The following ARHGAP15 variants were observed in gnomAD, a reference collection of about 807,000 sequenced individuals.
ARHGAP15 encodes Rho GTPase activating protein 15.
In ARHGAP15, 51 loss-of-function variants were observed where a neutral mutation model predicts 63.7. That is an observed-to-expected ratio of 0.80 (90% CI 0.64 to 1.01). ARHGAP15 has a LOEUF of 1.01. Ranked by LOEUF, ARHGAP15 falls within the 50% of genes least tolerant of loss-of-function variation. The pLI is 0.00. For missense variants in ARHGAP15, 560 were observed against 564.6 expected (o/e 0.99, Z 0.08); for synonymous variants, 191 against 193.8 (o/e 0.99, Z 0.12).
At chr2:143,421,090 A>G (rs1688898056) in intron 6 of ARHGAP15, among the ~76,000 whole-genome samples, 1 of 152,176 alleles carries the variant, frequency 6.6e-6, no homozygotes, top group African/African-American at 2.4e-5. Context: ...TCTCCAGATC[A>G]TGGTGAGGTA....
At chr2:143,753,146 AATAC>A (rs2105530910) in intron 13 of ARHGAP15, among the ~76,000 whole-genome samples, 1 of 152,286 alleles carries the variant, frequency 6.6e-6, no homozygotes, top group South Asian at 2.1e-4. Flanking sequence ...TCGTCTCTTA[AATAC>A]ATACATAACA....
At chr2:143,413,291 C>T (rs185556877) in intron 6 of ARHGAP15, among the ~76,000 whole-genome samples, 9 of 152,204 alleles carry the variant, frequency 5.9e-5, no homozygotes, top group East Asian at 1.9e-4. Flanking sequence ...TATTCAATAC[C>T]GGGTTTCTGC....
intron 12 of ARHGAP15, among the ~76,000 whole-genome samples, chr2:143,644,567 T>C (rs1311410166): frequency 6.6e-6 from 1 of 152,060 alleles, no homozygotes; most frequent in Admixed American, 6.6e-5. Flanking sequence ...GGAGGTATCA[T>C]GTTCTGAGCC....
intron 5 of ARHGAP15, among the ~76,000 whole-genome samples, chr2:143,234,117 T>C (rs796894988): frequency 9.9e-5 from 15 of 152,240 alleles, no homozygotes; most frequent in African/African-American, 3.6e-4. Context: ...TCTCTTTAGG[T>C]ATCTTCCAGT....
chr2:143,500,365 G>A (rs954937937), intron 9 of ARHGAP15, among the ~76,000 whole-genome samples: 3 of 151,756 alleles, frequency 2.0e-5, no homozygotes, highest in Non-Finnish European at 4.4e-5. Context: ...AGTCCATATA[G>A]TATGTACTAA....
intron 2 of ARHGAP15, among the ~76,000 whole-genome samples, chr2:143,164,043 C>T (rs1690403741): frequency 6.6e-6 from 1 of 152,056 alleles, no homozygotes; most frequent in Non-Finnish European, 1.5e-5. Context: ...TCTGCTAATA[C>T]ACTTCCCCAG....
chr2:143,673,619 A>G (rs1468614117), intron 12 of ARHGAP15, among the ~76,000 whole-genome samples: 2 of 151,002 alleles, frequency 1.3e-5, no homozygotes, highest in Non-Finnish European at 3.0e-5. Flanking sequence ...TAATGTAAAA[A>G]TATAAATTGG....
At position 143,556,414 on chromosome 2, in the gene ARHGAP15, A is replaced by G; in HGVS notation, c.932A>G (p.Asp311Gly). 6.2e-7 allele frequency: 1 copy of G among 1,611,364 alleles called. No homozygotes were observed. The highest frequency in any genetic ancestry group is 8.5e-7 in the Non-Finnish European group (1 of 1,178,244). The change falls in exon 11 of 14, where the codon GAT becomes GGT. Residue 311 changes from aspartate (D) to glycine (G), a missense_variant. Transcript: ENST00000295095. The part of the protein sequence containing the change: ...CIEAVEKRGL[D>G]VDGIYRVSGN... ...TATGCCCTTTTGTCTTCAGGTCTAG[A>G]TGTTGATGGAATATATCGAGTTAGT... is the stretch of plus-strand genomic sequence containing the variant.
chr2:143,141,027 A>G (rs910690544), intron 1 of ARHGAP15, among the ~76,000 whole-genome samples: 14 of 152,322 alleles, frequency 9.2e-5, no homozygotes, highest in African/African-American at 3.4e-4. Flanking sequence ...TCAGCATGGC[A>G]GATGTGTAGA....
chr2:143,133,582 G>A (rs1298119545), intron 1 of ARHGAP15, among the ~76,000 whole-genome samples: 1 of 152,142 alleles, frequency 6.6e-6, no homozygotes, highest in Non-Finnish European at 1.5e-5. Context: ...AGGTGCCTGA[G>A]GTTCTTATTC....
chr2:143,708,608 C>T (rs1055578064), intron 13 of ARHGAP15, among the ~76,000 whole-genome samples: 4 of 151,988 alleles, frequency 2.6e-5, no homozygotes, highest in Admixed American at 6.6e-5. Flanking sequence ...GGCATATTGT[C>T]CCCTGGTCTT....
chr2:143,434,480 A>C (rs1215797587), intron 6 of ARHGAP15, among the ~76,000 whole-genome samples: 1 of 152,100 alleles, frequency 6.6e-6, no homozygotes, highest in Non-Finnish European at 1.5e-5. Flanking sequence ...CATTTGGGGT[A>C]GTAATTGTCA....
At chr2:143,347,995 T>A (rs1685370884) in intron 6 of ARHGAP15, among the ~76,000 whole-genome samples, 1 of 152,184 alleles carries the variant, frequency 6.6e-6, no homozygotes, top group South Asian at 2.1e-4. Context: ...ATCAGAGTGA[T>A]GATCATGGAC....
chr2:143,185,800 G>A (rs1214523785), intron 2 of ARHGAP15, among the ~76,000 whole-genome samples: 1 of 152,146 alleles, frequency 6.6e-6, no homozygotes, highest in African/African-American at 2.4e-5. Flanking sequence ...GTAGCATAAA[G>A]TGACAATATA....
chr2:143,316,052 C>T (rs1683689254), intron 6 of ARHGAP15, among the ~76,000 whole-genome samples: 1 of 151,986 alleles, frequency 6.6e-6, no homozygotes. Context: ...CACCATTGCA[C>T]TCCATCCTGG....
chr2:143,334,075 C>T (rs1684665341), intron 6 of ARHGAP15, among the ~76,000 whole-genome samples: 1 of 152,166 alleles, frequency 6.6e-6, no homozygotes, highest in African/African-American at 2.4e-5. Flanking sequence ...ATACTTCCAT[C>T]TTACACTACT....
chr2:143,365,665 T>C (rs1235361780), intron 6 of ARHGAP15, among the ~76,000 whole-genome samples: 1 of 152,170 alleles, frequency 6.6e-6, no homozygotes, highest in African/African-American at 2.4e-5. Context: ...CTTCCCGAAA[T>C]TGAATCTTGC....
At position 143,743,713 on chromosome 2, in the gene ARHGAP15, G is replaced by C. The variant is rs916423493; in HGVS notation, c.1245-24276G>C. ...TTCAGCTTGGTATAAAACATATCAA[G>C]GGGATATCTGGTTAGAAGAATGCCA... On this transcript the variant is annotated intron_variant, in intron 13 of 13. Transcript: ENST00000295095. Among the ~76,000 whole-genome samples the C allele has an allele frequency of 2.1e-4, 32 of 152,184 alleles. No individual in the cohort carries two copies. In the South Asian group the frequency reaches 3.5e-3, roughly 17 times the overall value.
At chr2:143,173,069 TA>T (rs1022456127) in intron 2 of ARHGAP15, among the ~76,000 whole-genome samples, 4 of 151,972 alleles carry the variant, frequency 2.6e-5, no homozygotes, top group Admixed American at 6.6e-5. Flanking sequence ...AAGACTCAAA[TA>T]AAAAATATAT....
Sources: gnomAD v4.1 joint callset for allele counts (sites outside exome capture counted in the v4.1 genomes callset) on GRCh38, gnomAD v4.1.1 for gene constraint, MANE v1.5 for transcripts, NCBI Gene and HGNC (gene_info 2026-07-23, HGNC 2026-07-21) for gene names.